The following OXSR1 variants were observed in gnomAD, a reference collection of about 807,000 sequenced individuals.
OXSR1 encodes the protein oxidative stress responsive kinase 1, also known as serine/threonine-protein kinase OSR1.
OXSR1 carries 24 observed loss-of-function variants against 79.8 expected under a neutral mutation model. That is an observed-to-expected ratio of 0.30 (90% CI 0.22 to 0.42). The LOEUF (loss-of-function observed/expected upper bound fraction) is 0.42. Among genes scored for constraint, OXSR1 ranks in the 10% least tolerant of loss-of-function variants. The pLI, the probability that OXSR1 is intolerant of heterozygous loss-of-function variation, is 1.00. For missense variants in OXSR1, 430 were observed against 618.4 expected, an observed-to-expected ratio of 0.70 and a Z score of 3.23; for synonymous variants, 226 against 209.2, an observed-to-expected ratio of 1.08 and a Z score of -0.69.
chr3:38,230,876 C>A (rs1702791114), intron 10 of OXSR1, among the ~76,000 whole-genome samples: 1 of 152,160 alleles, frequency 6.6e-6, no homozygotes, highest in South Asian at 2.1e-4. Context: ...GCTTTAATAT[C>A]TCAGTTTGGG....
intron 8 of OXSR1, among the ~76,000 whole-genome samples, chr3:38,227,121 T>G (rs567067070): frequency 6.6e-6 from 1 of 152,314 alleles, no homozygotes; most frequent in East Asian, 1.9e-4. Flanking sequence ...AAACTTTGTT[T>G]AGAACATTGC....
intron 5 of OXSR1, among the ~76,000 whole-genome samples, chr3:38,221,018 A>G (rs1451990253): frequency 6.6e-6 from 1 of 152,182 alleles, no homozygotes; most frequent in Non-Finnish European, 1.5e-5. Context: ...TGAAGTTAGG[A>G]TATGTGTTTA....
At chr3:38,247,897 G>T (rs1035237011) in intron 14 of OXSR1, among the ~76,000 whole-genome samples, 165 bp downstream of exon 14, 1 of 152,164 alleles carries the variant, frequency 6.6e-6, no homozygotes, top group African/African-American at 2.4e-5. Flanking sequence ...TAGCAACAGT[G>T]TGAGGACCTG....
chr3:38,220,213 G>A (rs1575349121), intron 5 of OXSR1, among the ~76,000 whole-genome samples: 1 of 152,124 alleles, frequency 6.6e-6, no homozygotes, highest in South Asian at 2.1e-4. Context: ...GTACTGTATA[G>A]ACAAGCAATT....
At chr3:38,164,210 A>C (rs1311541065), upstream of OXSR1, among the ~76,000 whole-genome samples, 1 of 152,018 alleles carries the variant, frequency 6.6e-6, no homozygotes, top group Admixed American at 6.6e-5. Context: ...TGTTGCCCAG[A>C]CTGGAGTGCA....
intron 12 of OXSR1, 69 bp from the exon 13 acceptor site, chr3:38,246,006 A>G: frequency 8.5e-6 from 12 of 1,414,792 alleles, no homozygotes; most frequent in Non-Finnish European, 1.2e-5. Context: ...GAAAGGCTGA[A>G]CTTGCTGTCA....
chr3:38,171,407 A>C (rs1701579605), intron 1 of OXSR1, among the ~76,000 whole-genome samples: 1 of 152,254 alleles, frequency 6.6e-6, no homozygotes, highest in Non-Finnish European at 1.5e-5. Context: ...GGGATCATTT[A>C]AATTTTGTTT....
chr3:38,176,613 A>G (rs1264538165), intron 1 of OXSR1, among the ~76,000 whole-genome samples: 2 of 152,252 alleles, frequency 1.3e-5, no homozygotes, highest in Non-Finnish European at 2.9e-5. Context: ...GCATAGAAGA[A>G]CTGGAGCCTG....
At chr3:38,210,993 A>T (rs987808877) in intron 4 of OXSR1, among the ~76,000 whole-genome samples, 1 of 152,216 alleles carries the variant, frequency 6.6e-6, no homozygotes, top group African/African-American at 2.4e-5. Context: ...CAGCAGGGGT[A>T]GTTGATAGAT....
intron 4 of OXSR1, among the ~76,000 whole-genome samples, chr3:38,213,730 A>T (rs1486621081): frequency 6.6e-6 from 1 of 152,186 alleles, no homozygotes; most frequent in Non-Finnish European, 1.5e-5. Flanking sequence ...ATAAACTATT[A>T]AGTCTTCTTC....
intron 1 of OXSR1, among the ~76,000 whole-genome samples, chr3:38,179,183 A>G (rs995425081): frequency 6.6e-6 from 1 of 151,974 alleles, no homozygotes; most frequent in Non-Finnish European, 1.5e-5. Context: ...CATGTGTGCC[A>G]TAACGCCTGG....
At chr3:38,176,500 A>G (rs1380212076) in intron 1 of OXSR1, among the ~76,000 whole-genome samples, 1 of 152,242 alleles carries the variant, frequency 6.6e-6, no homozygotes, top group African/African-American at 2.4e-5. Flanking sequence ...CCGCATTACC[A>G]TAATCTTCTA....
chr3:38,252,182 A>T (rs1175649129), intron 16 of OXSR1, 146 bp from the exon 17 acceptor site: 2 of 663,956 alleles, frequency 3.0e-6, no homozygotes, highest in Non-Finnish European at 5.5e-6. Flanking sequence ...AGACACTTTC[A>T]TTAGGGGAGT....
intron 1 of OXSR1, among the ~76,000 whole-genome samples, chr3:38,174,254 AAC>A (rs1701637278): frequency 6.6e-6 from 1 of 152,138 alleles, no homozygotes; most frequent in African/African-American, 2.4e-5. Flanking sequence ...CAGGGTTTTG[AAC>A]AGAGATTTAA....
Position 38,250,034 on chromosome 3 carries a change from G to C in OXSR1, c.1375+16G>C. ...CCTGGGAGAGGTGAGGCATCAAATG[G>C]ATTGAAAACAAAATAGCTTCCAATT... On this transcript the variant is annotated intron_variant, in intron 15 of 17. Transcript: ENST00000311806. 6.6e-6 allele frequency: 10 copies of C among 1,517,794 alleles called. No homozygotes were observed. The highest frequency in any genetic ancestry group is 9.1e-6 in the Non-Finnish European group (10 of 1,094,554). The allele number at this position is 1,517,794 out of a possible 1,614,324, so 94.0% of individuals were successfully genotyped here.
At chr3:38,228,069 T>C (rs976097087) in intron 8 of OXSR1, among the ~76,000 whole-genome samples, 2 of 152,220 alleles carry the variant, frequency 1.3e-5, no homozygotes, top group African/African-American at 4.8e-5. Context: ...TAGTGTAGCC[T>C]GTTGCTCTGA....
At chr3:38,234,260 C>A (rs1049798178) in intron 10 of OXSR1, among the ~76,000 whole-genome samples, 7 of 152,052 alleles carry the variant, frequency 4.6e-5, no homozygotes, top group Admixed American at 4.6e-4. Flanking sequence ...TTGATTTTAT[C>A]AAAAATTAAG....
At chr3:38,201,218 A>G (rs1295210748) in intron 4 of OXSR1, among the ~76,000 whole-genome samples, 12 of 151,780 alleles carry the variant, frequency 7.9e-5, no homozygotes, top group South Asian at 4.2e-4. Flanking sequence ...ACTTTTGCCT[A>G]TTTTTCTGCT....
chr3:38,188,049 C>T (rs749931818), intron 2 of OXSR1, among the ~76,000 whole-genome samples: 5 of 152,274 alleles, frequency 3.3e-5, no homozygotes, highest in Middle Eastern at 6.8e-3. Flanking sequence ...CCCCCTTCCC[C>T]CTTTAAAGGA....
Sources: allele counts gnomAD v4.1 joint callset (sites outside exome capture counted in the v4.1 genomes callset), GRCh38; gene constraint gnomAD v4.1.1; transcripts MANE v1.5; gene names NCBI Gene and HGNC (gene_info 2026-07-23, HGNC 2026-07-21).